The following LIMS4 variants were observed in gnomAD, a reference collection of about 807,000 sequenced individuals.
LIMS4 encodes the protein LIM zinc finger domain containing 4.
chr2:110,362,568 C>CAAAG, the LIMS4 span: 3 of 1,455,072 alleles, frequency 2.1e-6, no homozygotes, highest in African/African-American at 4.3e-5. Context: ...CATGTTACTT[C>CAAAG]GATGCACACG....
chr2:110,378,808 G>C, the LIMS4 span, among the ~76,000 whole-genome samples: 4 of 121,042 alleles, frequency 3.3e-5, no homozygotes, highest in Non-Finnish European at 1.6e-5. Flanking sequence ...TCAAATTCCT[G>C]TCCTCTCCTT....
chr2:110,365,603 T>C, the LIMS4 span, among the ~76,000 whole-genome samples: 3 of 130,000 alleles, frequency 2.3e-5, no homozygotes, highest in Admixed American at 7.6e-5. Flanking sequence ...ATTAACAACA[T>C]AGCATCACAC....
chr2:110,386,721 G>T, the LIMS4 span: 3 of 842,876 alleles, frequency 3.6e-6, no homozygotes, highest in Admixed American at 2.0e-5. Context: ...TGGCTGCTGG[G>T]CTTGTCAACA....
the LIMS4 span, among the ~76,000 whole-genome samples, chr2:110,425,681 A>T: frequency 5.0e-3 from 708 of 142,426 alleles, 55 homozygotes; most frequent in South Asian, 0.021. Context: ...GCGTGCCTGG[A>T]TGGGACGCTG....
At chr2:110,424,530 C>T in the LIMS4 span, among the ~76,000 whole-genome samples, 31 of 144,152 alleles carry the variant, frequency 2.2e-4, 1 homozygote, top group South Asian at 6.1e-3. Flanking sequence ...TCCTGGGCTC[C>T]TGTACCAACC....
the LIMS4 span, among the ~76,000 whole-genome samples, chr2:110,391,722 G>GGT: frequency 8.6e-6 from 1 of 116,916 alleles, no homozygotes; most frequent in Non-Finnish European, 1.6e-5. Context: ...GGATCACGGG[G>GGT]AGCCATTAGT....
the LIMS4 span, among the ~76,000 whole-genome samples, chr2:110,368,900 T>G: frequency 1.4e-5 from 2 of 147,016 alleles, no homozygotes; most frequent in Non-Finnish European, 3.0e-5. Context: ...AGGTTTTTTT[T>G]TTTTTTTTTA....
chr2:110,411,646 G>A, the LIMS4 span, among the ~76,000 whole-genome samples: 4 of 122,210 alleles, frequency 3.3e-5, no homozygotes, highest in Non-Finnish European at 4.8e-5. Flanking sequence ...CACCAGCAAT[G>A]CCTCAGCCAG....
the LIMS4 span, among the ~76,000 whole-genome samples, chr2:110,368,965 G>T: frequency 1.7e-5 from 2 of 118,854 alleles, no homozygotes; most frequent in African/African-American, 3.6e-5. Flanking sequence ...AACCCCAGAA[G>T]CATGGAGTGG....
the LIMS4 span, chr2:110,359,158 A>G: frequency 6.7e-6 from 1 of 149,836 alleles, no homozygotes; most frequent in African/African-American, 2.5e-5. Flanking sequence ...TTATTTACAT[A>G]TGAAATGTGT....
At chr2:110,372,709 T>C in the LIMS4 span, among the ~76,000 whole-genome samples, 1 of 148,898 alleles carries the variant, frequency 6.7e-6, no homozygotes, top group Non-Finnish European at 1.5e-5. Context: ...TTTTGCCATG[T>C]TGGCCATGTT....
the LIMS4 span, among the ~76,000 whole-genome samples, chr2:110,381,934 G>A: frequency 2.7e-4 from 11 of 40,230 alleles, no homozygotes; most frequent in South Asian, 8.7e-3. Flanking sequence ...GGGTGTGGTG[G>A]TGCATGCCTG....
the LIMS4 span, among the ~76,000 whole-genome samples, chr2:110,369,274 G>T: frequency 1.2e-5 from 1 of 81,906 alleles, no homozygotes; most frequent in African/African-American, 6.3e-5. Context: ...GACACTGCTG[G>T]CCCCTTTGCC....
chr2:110,371,210 T>C, the LIMS4 span, among the ~76,000 whole-genome samples: 1 of 99,950 alleles, frequency 1.0e-5, no homozygotes, highest in South Asian at 3.4e-4. Context: ...ATACAACAAA[T>C]ACTTACTGTT....
chr2:110,367,219 A>G, the LIMS4 span, among the ~76,000 whole-genome samples: 1 of 149,270 alleles, frequency 6.7e-6, no homozygotes, highest in Non-Finnish European at 1.5e-5. Context: ...GAATTAGAAA[A>G]AAAACCTATT....
At chr2:110,370,893 G>GGGT in the LIMS4 span, among the ~76,000 whole-genome samples, 3 of 140,476 alleles carry the variant, frequency 2.1e-5, 1 homozygote, top group Non-Finnish European at 4.5e-5. Context: ...GTCATGAAGG[G>GGGT]GGTTGATGAC....
the LIMS4 span, among the ~76,000 whole-genome samples, chr2:110,381,876 G>A: frequency 2.7e-5 from 1 of 37,486 alleles, no homozygotes; most frequent in East Asian, 6.1e-4. Flanking sequence ...AGACCATCCT[G>A]GCCAACATGG....
At chr2:110,425,594 T>C in the LIMS4 span, among the ~76,000 whole-genome samples, 1 of 141,694 alleles carries the variant, frequency 7.1e-6, no homozygotes, top group Admixed American at 6.9e-5. Context: ...TTATCTGGGT[T>C]GGCCTGGTGG....
At chr2:110,395,734 C>A in the LIMS4 span, among the ~76,000 whole-genome samples, 3 of 85,370 alleles carry the variant, frequency 3.5e-5, no homozygotes, top group Admixed American at 1.3e-4. Context: ...GATGGAACAG[C>A]CCTGGAGGCC....
Sources: gnomAD v4.1 joint callset for allele counts (sites outside exome capture counted in the v4.1 genomes callset) on GRCh38, gnomAD v4.1.1 for gene constraint, MANE v1.5 for transcripts, NCBI Gene and HGNC (gene_info 2026-07-23, HGNC 2026-07-21) for gene names.